Variants in UNC80 observed in about 807,000 individuals in gnomAD.
The protein encoded by UNC80 is protein unc-80 homolog.
UNC80 carries 164 observed loss-of-function variants against 384.6 expected under a neutral mutation model. The observed-to-expected ratio is 0.43, with a 90% confidence interval of 0.38 to 0.49. The LOEUF (loss-of-function observed/expected upper bound fraction) is 0.49, where lower values mean the gene tolerates loss of function less well. Ranked by LOEUF, UNC80 falls within the 20% of genes least tolerant of loss-of-function variation. The pLI is 0.00. For synonymous variants in UNC80, 1,486 were observed against 1,527.8 expected, an observed-to-expected ratio of 0.97 and a Z score of 0.64; for missense variants, 3,330 against 4,143.0, an observed-to-expected ratio of 0.80 and a Z score of 5.39.
intron 47 of UNC80, among the ~76,000 whole-genome samples, chr2:209,952,337 G>C (rs977907962): frequency 6.6e-6 from 1 of 152,110 alleles, no homozygotes; most frequent in African/African-American, 2.4e-5. Flanking sequence ...TAGCAATTGT[G>C]GTAGGGCAGA....
intron 59 of UNC80, among the ~76,000 whole-genome samples, chr2:209,979,662 G>A (rs73984314): frequency 0.015 from 2,218 of 152,312 alleles, 53 homozygotes; most frequent in African/African-American, 0.051. Flanking sequence ...AGTAAAATTA[G>A]GGTGAAAGAT....
At chr2:209,886,349 G>A (rs957955211) in intron 25 of UNC80, among the ~76,000 whole-genome samples, 9 of 151,640 alleles carry the variant, frequency 5.9e-5, no homozygotes, top group Non-Finnish European at 1.2e-4. Context: ...AGGCTGAGGT[G>A]GGAGGATCAC....
chr2:209,861,120 T>A (rs1025121360), intron 22 of UNC80, among the ~76,000 whole-genome samples: 75 of 152,342 alleles, frequency 4.9e-4, no homozygotes, highest in African/African-American at 1.7e-3. Context: ...ATCCCTGTCT[T>A]GTACTGGTTT....
At chr2:209,879,799 CT>C (rs1464675571) in intron 24 of UNC80, among the ~76,000 whole-genome samples, 1 of 152,096 alleles carries the variant, frequency 6.6e-6, no homozygotes, top group Middle Eastern at 3.2e-3. Context: ...AGAAGCTTGT[CT>C]TTTCCATTCT....
chr2:209,993,212 A>G (rs970997045), intron 62 of UNC80, 103 bp from the exon 63 acceptor site: 1 of 848,096 alleles, frequency 1.2e-6, no homozygotes, highest in Non-Finnish European at 1.8e-6. Context: ...CTATAAATGT[A>G]AGGAACAACC....
At chr2:209,990,623 A>G (rs924624963) in intron 61 of UNC80, among the ~76,000 whole-genome samples, 6 of 152,220 alleles carry the variant, frequency 3.9e-5, no homozygotes, top group African/African-American at 1.4e-4. Flanking sequence ...ACATGTTAAC[A>G]TGTATAATTA....
chr2:209,915,521 C>G (rs1187724526), intron 31 of UNC80, among the ~76,000 whole-genome samples: 1 of 151,516 alleles, frequency 6.6e-6, no homozygotes, highest in Non-Finnish European at 1.5e-5. Flanking sequence ...AGAGGGGTCA[C>G]AAGTCCATAA....
At chr2:209,819,284 A>G (rs963349137) in intron 12 of UNC80, 23 bp downstream of exon 12, 16 of 1,539,502 alleles carry the variant, frequency 1.0e-5, no homozygotes, top group Non-Finnish European at 1.3e-5. Flanking sequence ...AATTTTTCTT[A>G]CCAAAGTTAG....
chr2:209,920,960 TG>T (rs978165379), intron 33 of UNC80, among the ~76,000 whole-genome samples: 9 of 152,130 alleles, frequency 5.9e-5, no homozygotes, highest in Non-Finnish European at 1.2e-4. Context: ...CCTGAGTAGC[TG>T]GGATTACAGG....
chr2:209,992,831 T>C (rs556472660), intron 62 of UNC80, among the ~76,000 whole-genome samples: 32 of 152,368 alleles, frequency 2.1e-4, no homozygotes, highest in African/African-American at 7.0e-4. Flanking sequence ...AGAGATTTCC[T>C]TAGGTGGAGT....
intron 26 of UNC80, among the ~76,000 whole-genome samples, chr2:209,890,639 T>C (rs375891836): frequency 3.3e-5 from 5 of 152,358 alleles, no homozygotes; most frequent in African/African-American, 9.6e-5. Context: ...TAACTCACTA[T>C]GTGGCCTTGT....
chr2:209,871,676 T>A (rs780368508), intron 22 of UNC80, among the ~76,000 whole-genome samples: 2 of 152,198 alleles, frequency 1.3e-5, no homozygotes, highest in African/African-American at 4.8e-5. Context: ...TATTTTCTTA[T>A]GATCTATTGA....
chr2:209,962,839 A>C (rs1000321993), intron 51 of UNC80, among the ~76,000 whole-genome samples: 2 of 152,208 alleles, frequency 1.3e-5, no homozygotes, highest in Non-Finnish European at 2.9e-5. Context: ...TGCGCACTTG[A>C]ATATGTGTAA....
chr2:209,803,968 C>T (rs1053372449), intron 7 of UNC80, among the ~76,000 whole-genome samples: 2 of 152,084 alleles, frequency 1.3e-5, no homozygotes, highest in African/African-American at 4.8e-5. Flanking sequence ...AACCCCTGGC[C>T]TCAAGTGATC....
chr2:209,956,613 G>T (rs1214635801), intron 48 of UNC80, among the ~76,000 whole-genome samples: 1 of 151,308 alleles, frequency 6.6e-6, no homozygotes, highest in African/African-American at 2.4e-5. Flanking sequence ...AAGTTTTAGG[G>T]TACATGTGCA....
chr2:209,923,727 G>A (rs1237995728), intron 35 of UNC80, among the ~76,000 whole-genome samples: 1 of 152,088 alleles, frequency 6.6e-6, no homozygotes, highest in Non-Finnish European at 1.5e-5. Context: ...TGTTAACATA[G>A]ATACTCCACA....
chr2:209,806,762 G>A (rs2078927479), intron 7 of UNC80, among the ~76,000 whole-genome samples: 1 of 152,212 alleles, frequency 6.6e-6, no homozygotes, highest in African/African-American at 2.4e-5. Context: ...AGTCTTCTCT[G>A]CACTCTGCAA....
chr2:209,812,432 G>A (rs1191081308), intron 7 of UNC80, among the ~76,000 whole-genome samples: 1 of 151,676 alleles, frequency 6.6e-6, no homozygotes, highest in Non-Finnish European at 1.5e-5. Context: ...TGAACCACTA[G>A]TGAGCCGTAG....
At position 209,839,449 on chromosome 2, in the gene UNC80, T is replaced by G; in HGVS notation, c.3250+19T>G. 1 of 1,551,664 alleles carries G rather than the reference T, an allele frequency of 6.4e-7. No individual in the cohort carries two copies. Among genetic ancestry groups the G allele is most frequent in the South Asian group, 1.2e-5 (1 of 84,038 alleles). On this transcript the variant is annotated intron_variant, in intron 19 of 64. Coordinates refer to ENST00000673920, the MANE Select transcript of UNC80 (RefSeq NM_001371986.1). This position sits in a 1 kb window ranked among gnomAD's most constrained non-coding sequence, Gnocchi z 4.1. ...CCCATAGGTAAAAGTATGTCTGTAT[T>G]TGTTTATGGATTATCTTATTACCAA...
Sources: gnomAD v4.1 joint callset for allele counts (sites outside exome capture counted in the v4.1 genomes callset) on GRCh38, gnomAD v4.1.1 for gene constraint, Gnocchi (gnomAD v3.1) non-coding constraint, MANE v1.5 for transcripts, NCBI Gene and HGNC (gene_info 2026-07-23, HGNC 2026-07-21) for gene names.